USP42: variants seen among roughly 807,000 people sequenced by gnomAD.
USP42 encodes ubiquitin specific peptidase 42, also known as ubiquitin carboxyl-terminal hydrolase 42.
In USP42, 23 loss-of-function variants were observed where a neutral mutation model predicts 113.0. The observed-to-expected ratio is 0.20, with a 90% CI of 0.15 to 0.29. The LOEUF is 0.29. USP42 is among the 10% of genes least tolerant of loss of function. USP42 has a pLI of 1.00. For missense variants in USP42, 2,174 were observed against 1,779.8 expected, an observed-to-expected ratio of 1.22 and a Z score of -3.99; for synonymous variants, 933 against 699.0, an observed-to-expected ratio of 1.33 and a Z score of -5.28.
chr7:6,092,054 T>TTTCTTC, the USP42 span, among the ~76,000 whole-genome samples: 2 of 37,908 alleles, frequency 5.3e-5, no homozygotes, highest in South Asian at 1.7e-3. Flanking sequence ...CTTCTTCTTC[T>TTTCTTC]TTCTTCTTCT....
chr7:6,131,054 G>A (rs1197883311), intron 3 of USP42, among the ~76,000 whole-genome samples: 2 of 152,158 alleles, frequency 1.3e-5, no homozygotes, highest in Non-Finnish European at 2.9e-5. Context: ...GGGGTGCACA[G>A]GCAGGTGGAT....
At chr7:6,081,565 G>A in the USP42 span, 4 of 152,260 alleles carry the variant, frequency 2.6e-5, no homozygotes, top group Non-Finnish European at 5.9e-5. Context: ...GTTTGGGGGC[G>A]GAGCCCGCCG....
intron 14 of USP42, among the ~76,000 whole-genome samples, chr7:6,153,427 T>C (rs192903914): frequency 4.4e-4 from 67 of 152,314 alleles, no homozygotes; most frequent in African/African-American, 1.4e-3. Flanking sequence ...TAACATTTTA[T>C]TTTTATTTAA....
the USP42 span, among the ~76,000 whole-genome samples, chr7:6,085,761 T>C: frequency 6.7e-6 from 1 of 150,268 alleles, no homozygotes; most frequent in East Asian, 2.0e-4. Context: ...ACTACTGGCA[T>C]GTGCCATCAT....
the USP42 span, among the ~76,000 whole-genome samples, chr7:6,086,395 T>C: frequency 1.3e-5 from 2 of 150,346 alleles, no homozygotes; most frequent in African/African-American, 2.5e-5. Flanking sequence ...TTAATAGAGA[T>C]AGGATTTCAC....
At chr7:6,098,701 C>G in the USP42 span, among the ~76,000 whole-genome samples, 44 of 150,082 alleles carry the variant, frequency 2.9e-4, 1 homozygote, top group Non-Finnish European at 3.3e-4. Flanking sequence ...TGCACCACCA[C>G]ACCTGGCTAA....
intron 3 of USP42, among the ~76,000 whole-genome samples, chr7:6,124,669 G>C (rs952499413): frequency 1.3e-5 from 2 of 152,078 alleles, no homozygotes; most frequent in Non-Finnish European, 2.9e-5. Context: ...CATTTAATGA[G>C]ATTATTGGTA....
intron 1 of USP42, among the ~76,000 whole-genome samples, chr7:6,109,056 G>A (rs1192589840): frequency 2.0e-5 from 3 of 152,220 alleles, no homozygotes; most frequent in African/African-American, 7.2e-5. Context: ...ATCAGCACAG[G>A]GTGCTGTGGG....
chr7:6,105,841 T>C (rs1475843842), intron 1 of USP42, among the ~76,000 whole-genome samples: 2 of 152,206 alleles, frequency 1.3e-5, no homozygotes, highest in South Asian at 2.1e-4. Flanking sequence ...CTCACATGCA[T>C]GCAGTGGAGA....
intron 3 of USP42, among the ~76,000 whole-genome samples, chr7:6,115,743 A>AT (rs1234840249): frequency 2.6e-5 from 4 of 152,090 alleles, no homozygotes; most frequent in African/African-American, 9.7e-5. Context: ...AAAAAGAAAC[A>AT]TTTTATCAGC....
chr7:6,107,016 G>C (rs1189607057), intron 1 of USP42, among the ~76,000 whole-genome samples: 1 of 152,222 alleles, frequency 6.6e-6, no homozygotes, highest in Non-Finnish European at 1.5e-5. Flanking sequence ...ACATAACATT[G>C]TTTAGCTTCA....
At chr7:6,123,338 C>T (rs908302087) in intron 3 of USP42, among the ~76,000 whole-genome samples, 2 of 152,062 alleles carry the variant, frequency 1.3e-5, no homozygotes, top group African/African-American at 4.8e-5. Context: ...GCCTGAGCTA[C>T]ATAGTGAGAC....
the USP42 span, among the ~76,000 whole-genome samples, chr7:6,084,030 G>C: frequency 6.6e-6 from 1 of 151,118 alleles, no homozygotes; most frequent in Non-Finnish European, 1.5e-5. Flanking sequence ...GAGGGTTTTT[G>C]TTTTGTTTTG....
chr7:6,149,115 G>A (rs929982970), intron 12 of USP42, among the ~76,000 whole-genome samples: 6 of 152,314 alleles, frequency 3.9e-5, no homozygotes, highest in Admixed American at 3.3e-4. Flanking sequence ...TGGAGACGTT[G>A]TGGGGCAGTG....
upstream of USP42, chr7:6,104,791 G>A (rs1779163123): frequency 2.0e-5 from 3 of 151,820 alleles, no homozygotes; most frequent in South Asian, 6.2e-4. Context: ...CACACTCGCC[G>A]TGCTTGTTAG....
Position 6,146,348 on chromosome 7 carries a change from A to AC in USP42, c.1232+100_1232+101insC, listed in dbSNP as rs1040448926. 2.8e-5 allele frequency: 23 copies of AC among 829,292 alleles called. No individual in the cohort carries two copies. In the African/African-American group the frequency reaches 3.0e-4, roughly 11 times the overall value. The allele number at this position is 829,292 out of a possible 1,614,324, so 51.4% of individuals were successfully genotyped here. On this transcript the variant is annotated intron_variant, in intron 11 of 17. Coordinates refer to ENST00000306177, the MANE Select transcript of USP42 (RefSeq NM_032172.3). ...AATATTCAGTGTTTTAAAAAAAAAA[A>AC]AAAACCCAGCAGCTTAAAGATCAAC... is the stretch of plus-strand genomic sequence containing the variant.
intron 3 of USP42, among the ~76,000 whole-genome samples, chr7:6,120,834 T>A (rs1780188276): frequency 6.6e-6 from 1 of 152,176 alleles, no homozygotes. Flanking sequence ...TCCACCTGCC[T>A]CGGCCTCCCA....
the USP42 span, among the ~76,000 whole-genome samples, chr7:6,087,423 A>T: frequency 2.0e-5 from 3 of 146,674 alleles, no homozygotes; most frequent in East Asian, 5.9e-4. Flanking sequence ...TGTAGCCTCA[A>T]ACTGCTGGGC....
chr7:6,153,297 C>G lies in USP42; in HGVS notation c.2202-459C>G, dbSNP rs945524737. Among the ~76,000 whole-genome samples, 5 of 122,172 alleles carry G rather than the reference C, an allele frequency of 4.1e-5. No individual in the cohort carries two copies. In the South Asian group the frequency reaches 1.3e-3, roughly 31 times the overall value. The allele number at this position is 122,172 out of a possible 152,430, so 80.1% of individuals were successfully genotyped here. A position where few individuals can be genotyped will look rare whatever the true frequency, so the allele number is the denominator to read the frequency against. ...TTCAAAAAAACAAAACAAAATGAAA[C>G]AAAACAAAAAAAAAAAATAGAGGAA... On this transcript the variant is annotated intron_variant, in intron 14 of 17. Coordinates refer to ENST00000306177, the MANE Select transcript of USP42 (RefSeq NM_032172.3).
Sources: allele counts gnomAD v4.1 joint callset (sites outside exome capture counted in the v4.1 genomes callset), GRCh38; gene constraint gnomAD v4.1.1; transcripts MANE v1.5; gene names NCBI Gene and HGNC (gene_info 2026-07-23, HGNC 2026-07-21).